The following HYCC1 variants were observed in gnomAD, a reference collection of about 807,000 sequenced individuals.
The protein encoded by HYCC1 is hyccin.
the HYCC1 span, among the ~76,000 whole-genome samples, chr7:22,904,362 C>T: frequency 3.3e-5 from 5 of 150,174 alleles, no homozygotes; most frequent in South Asian, 4.2e-4. Flanking sequence ...ATCCAGGAGG[C>T]GGAGCTTGTA....
chr7:22,927,952 C>A, the HYCC1 span, among the ~76,000 whole-genome samples: 1 of 152,140 alleles, frequency 6.6e-6, no homozygotes, highest in Admixed American at 6.5e-5. Context: ...TACTGGCAAA[C>A]CGAATCCAGC....
chr7:22,920,657 A>C, the HYCC1 span, among the ~76,000 whole-genome samples: 1 of 152,260 alleles, frequency 6.6e-6, no homozygotes, highest in Non-Finnish European at 1.5e-5. Context: ...ACTCAAATGA[A>C]AGTATAAATC....
the HYCC1 span, among the ~76,000 whole-genome samples, chr7:22,980,061 T>C: frequency 1.3e-5 from 2 of 152,156 alleles, no homozygotes; most frequent in African/African-American, 4.8e-5. Flanking sequence ...CTATCCACTA[T>C]GACCAAAATC....
chr7:22,921,670 T>A, the HYCC1 span, among the ~76,000 whole-genome samples: 7 of 152,294 alleles, frequency 4.6e-5, no homozygotes, highest in African/African-American at 1.7e-4. Context: ...AGAACTCACA[T>A]AGTGAGGATT....
the HYCC1 span, chr7:22,946,912 G>A: frequency 1.3e-6 from 2 of 1,506,220 alleles, no homozygotes; most frequent in East Asian, 4.9e-5. Flanking sequence ...CTGTGCAACT[G>A]CTGCTTAACA....
the HYCC1 span, among the ~76,000 whole-genome samples, chr7:22,974,701 T>G: frequency 2.6e-5 from 4 of 152,208 alleles, no homozygotes; most frequent in Admixed American, 2.0e-4. Context: ...TTCTAAGTAT[T>G]GCTCAATGAT....
At chr7:23,014,107 G>C in the HYCC1 span, 1 of 469,494 alleles carries the variant, frequency 2.1e-6, no homozygotes, top group Non-Finnish European at 4.4e-6. Context: ...AGCCGGGAGA[G>C]CCACCACTGC....
chr7:22,955,967 T>C, the HYCC1 span, among the ~76,000 whole-genome samples: 2 of 151,706 alleles, frequency 1.3e-5, no homozygotes, highest in Non-Finnish European at 3.0e-5. Flanking sequence ...TTAAGCAAAA[T>C]TGAATTTTAA....
the HYCC1 span, among the ~76,000 whole-genome samples, chr7:22,911,861 C>A: frequency 1.3e-5 from 2 of 152,232 alleles, no homozygotes; most frequent in Non-Finnish European, 2.9e-5. Flanking sequence ...TGTTTCTGAT[C>A]ATGTAGCCTC....
the HYCC1 span, among the ~76,000 whole-genome samples, chr7:22,979,602 G>C: frequency 6.6e-6 from 1 of 152,028 alleles, no homozygotes; most frequent in Non-Finnish European, 1.5e-5. Context: ...TTTTCTTTGC[G>C]GACCCACATC....
chr7:22,913,777 T>C, the HYCC1 span, among the ~76,000 whole-genome samples: 1 of 152,228 alleles, frequency 6.6e-6, no homozygotes, highest in Non-Finnish European at 1.5e-5. Flanking sequence ...TAAACAGCTT[T>C]ACTGCTCACA....
At chr7:22,930,412 AAAG>A in the HYCC1 span, among the ~76,000 whole-genome samples, 3 of 151,224 alleles carry the variant, frequency 2.0e-5, no homozygotes, top group Admixed American at 6.6e-5. Flanking sequence ...AAAAGAAAAG[AAAG>A]AAGAAGAAAT....
At chr7:23,013,680 T>C in the HYCC1 span, among the ~76,000 whole-genome samples, 5 of 30,550 alleles carry the variant, frequency 1.6e-4, no homozygotes, top group East Asian at 1.1e-3. Flanking sequence ...TGCGCCCAAC[T>C]TCGGGGCGAG....
chr7:22,987,290 T>C, the HYCC1 span, among the ~76,000 whole-genome samples: 1 of 152,240 alleles, frequency 6.6e-6, no homozygotes, highest in Non-Finnish European at 1.5e-5. Context: ...CTCACGCCTG[T>C]AATCCCAACA....
chr7:22,942,277 GA>G, the HYCC1 span: 2 of 152,108 alleles, frequency 1.3e-5, no homozygotes, highest in Non-Finnish European at 2.9e-5. Context: ...AAAGAGCAAT[GA>G]AATATTGCTT....
chr7:22,976,847 T>C, the HYCC1 span: 8 of 1,237,222 alleles, frequency 6.5e-6, no homozygotes, highest in Non-Finnish European at 9.6e-6. Flanking sequence ...AAAAAAGCTA[T>C]TCTGCTGAAA....
the HYCC1 span, among the ~76,000 whole-genome samples, chr7:22,910,433 T>C: frequency 6.6e-6 from 1 of 152,228 alleles, no homozygotes; most frequent in African/African-American, 2.4e-5. Context: ...GTGGATGCCA[T>C]GCTTGTACAG....
the HYCC1 span, among the ~76,000 whole-genome samples, chr7:22,998,746 C>T: frequency 6.6e-6 from 1 of 152,136 alleles, no homozygotes; most frequent in African/African-American, 2.4e-5. Context: ...GATTTCTTCC[C>T]TTTTCCAGTG....
the HYCC1 span, among the ~76,000 whole-genome samples, chr7:22,912,388 T>C: frequency 6.6e-6 from 1 of 152,054 alleles, no homozygotes; most frequent in Non-Finnish European, 1.5e-5. Flanking sequence ...AACAGGAGGG[T>C]AGAATGCCAA....
Sources: allele counts gnomAD v4.1 joint callset (sites outside exome capture counted in the v4.1 genomes callset), GRCh38; gene constraint gnomAD v4.1.1; transcripts MANE v1.5; gene names NCBI Gene and HGNC (gene_info 2026-07-23, HGNC 2026-07-21).